The following AK5 variants were observed in gnomAD, a reference collection of about 807,000 sequenced individuals.
AK5 encodes adenylate kinase 5, also known as adenylate kinase isoenzyme 5.
AK5 carries 27 observed loss-of-function variants against 69.5 expected under a neutral mutation model. The observed-to-expected ratio is 0.39, with a 90% CI of 0.29 to 0.54. The LOEUF (loss-of-function observed/expected upper bound fraction) is 0.54. Ranked by LOEUF, AK5 falls within the 20% of genes least tolerant of loss-of-function variation. The pLI is 0.71. For synonymous variants in AK5, 260 were observed against 244.4 expected (o/e 1.06, Z -0.60); for missense variants, 531 against 700.4 (o/e 0.76, Z 2.73).
chr1:77,286,626 C>T (rs1055279554), intron 1 of AK5, among the ~76,000 whole-genome samples: 4 of 151,812 alleles, frequency 2.6e-5, no homozygotes, highest in Non-Finnish European at 4.4e-5. Flanking sequence ...GTAGGTGGAT[C>T]GCTTGAGTTA....
chr1:77,444,324 A>AC (rs1557598319), intron 8 of AK5, among the ~76,000 whole-genome samples: 638 of 53,576 alleles, frequency 0.012, 73 homozygotes, highest in Middle Eastern at 0.037. Context: ...ATATATGTGT[A>AC]TATATATAGT....
intron 6 of AK5, among the ~76,000 whole-genome samples, chr1:77,409,123 A>G (rs768682904): frequency 3.3e-5 from 5 of 152,202 alleles, no homozygotes; most frequent in Non-Finnish European, 7.3e-5. Flanking sequence ...ATAGTATTCC[A>G]TGGTATATAT....
chr1:77,415,070 A>C (rs1650323245), intron 7 of AK5, among the ~76,000 whole-genome samples: 1 of 152,170 alleles, frequency 6.6e-6, no homozygotes, highest in Admixed American at 6.6e-5. Context: ...TCCTGTTGAA[A>C]GCATCTTATT....
chr1:77,426,911 G>A (rs1390786273), intron 8 of AK5, among the ~76,000 whole-genome samples: 1 of 152,044 alleles, frequency 6.6e-6, no homozygotes, highest in Non-Finnish European at 1.5e-5. Flanking sequence ...AACCTCAAGA[G>A]AAATGTTAAA....
intron 6 of AK5, among the ~76,000 whole-genome samples, chr1:77,354,292 A>G (rs1451753273): frequency 2.0e-5 from 3 of 152,176 alleles, no homozygotes; most frequent in Admixed American, 6.5e-5. Context: ...TCATTCATCA[A>G]TTTCTTTTTA....
intron 5 of AK5, among the ~76,000 whole-genome samples, chr1:77,317,460 T>A (rs1302260966): frequency 1.3e-5 from 2 of 152,088 alleles, no homozygotes; most frequent in Non-Finnish European, 2.9e-5. Flanking sequence ...AAAAAACACT[T>A]GTTGACATGT....
At chr1:77,477,115 C>T (rs1425087117) in intron 8 of AK5, among the ~76,000 whole-genome samples, 2 of 151,908 alleles carry the variant, frequency 1.3e-5, no homozygotes, top group Non-Finnish European at 1.5e-5. Flanking sequence ...GCAGCCTCAA[C>T]CTCCTAGGCC....
chr1:77,493,779 A>G lies in AK5; in HGVS notation c.1147+7427A>G, dbSNP rs537849512. On this transcript the variant is annotated intron_variant, in intron 10 of 13. Transcript: ENST00000354567. Reference sequence around the variant, plus strand: ...GATGGTAGAGTAAAGAAAAAGAGACATTGGACTACTTTCCAAGAGACCCTC... The same window carrying G: ...GATGGTAGAGTAAAGAAAAAGAGACGTTGGACTACTTTCCAAGAGACCCTC... 2.8e-4 allele frequency among the ~76,000 whole-genome samples: 42 copies of G among 152,352 alleles called. No individual in the cohort carries two copies. The Middle Eastern group carries it at 0.01, about 37-fold the overall frequency.
intron 8 of AK5, among the ~76,000 whole-genome samples, chr1:77,482,736 G>T (rs944752594): frequency 6.7e-6 from 1 of 149,670 alleles, no homozygotes; most frequent in Non-Finnish European, 1.5e-5. Context: ...GCACCACTGC[G>T]CTCCAGCCTG....
chr1:77,518,741 C>G lies in AK5; in HGVS notation c.1311+14C>G, dbSNP rs757945522. ...CTGGTGCCCTCAGTAAGCAACATGG[C>G]CTGACCCACATTACTGCCTTTCCTG... On this transcript the variant is annotated intron_variant, in intron 11 of 13. Coordinates refer to ENST00000354567, the MANE Select transcript of AK5 (RefSeq NM_174858.3). 41 of 1,612,484 alleles carry G rather than the reference C, an allele frequency of 2.5e-5. No homozygotes were observed. The highest frequency in any genetic ancestry group is 3.4e-5 in the Non-Finnish European group (40 of 1,179,062).
chr1:77,534,920 G>C (rs1212160158), intron 12 of AK5, among the ~76,000 whole-genome samples: 1 of 152,198 alleles, frequency 6.6e-6, no homozygotes, highest in Non-Finnish European at 1.5e-5. Context: ...TCAGCGGGCT[G>C]GTTCTCACTT....
intron 6 of AK5, among the ~76,000 whole-genome samples, chr1:77,374,359 T>C (rs1024752905): frequency 8.5e-5 from 13 of 152,058 alleles, no homozygotes; most frequent in African/African-American, 3.1e-4. Flanking sequence ...TAGAATTTCC[T>C]TCAGATTGAA....
chr1:77,500,499 C>A, intron 10 of AK5, among the ~76,000 whole-genome samples: 1 of 152,124 alleles, frequency 6.6e-6, no homozygotes, highest in Middle Eastern at 3.2e-3. Flanking sequence ...CAAAAGAAGG[C>A]AAGGCACGGT....
At chr1:77,515,312 CTATTAG>C (rs1199572495) in intron 10 of AK5, among the ~76,000 whole-genome samples, 1 of 152,112 alleles carries the variant, frequency 6.6e-6, no homozygotes, top group African/African-American at 2.4e-5. Context: ...AGGGGCCCTT[CTATTAG>C]AAAGGGTCAA....
At chr1:77,413,007 C>T (rs954283185) in intron 7 of AK5, among the ~76,000 whole-genome samples, 4 of 151,554 alleles carry the variant, frequency 2.6e-5, no homozygotes, top group African/African-American at 9.7e-5. Context: ...CCATGGAGAT[C>T]TTCACAGAAT....
At chr1:77,527,422 C>G (rs925083131) in intron 12 of AK5, among the ~76,000 whole-genome samples, 2 of 152,134 alleles carry the variant, frequency 1.3e-5, no homozygotes, top group Non-Finnish European at 2.9e-5. Context: ...CTGTGGTCCC[C>G]GTTCAGACCG....
chr1:77,447,465 A>G (rs904821646), intron 8 of AK5, among the ~76,000 whole-genome samples: 18 of 152,224 alleles, frequency 1.2e-4, no homozygotes, highest in African/African-American at 4.3e-4. Flanking sequence ...AGGAAATGAA[A>G]ACTCATAGAA....
chr1:77,479,449 G>A (rs146752740), intron 8 of AK5, among the ~76,000 whole-genome samples: 1,567 of 152,070 alleles, frequency 0.01, 35 homozygotes, highest in East Asian at 0.079. Flanking sequence ...CAGGTGATCC[G>A]TCTGCCTTGG....
intron 13 of AK5, among the ~76,000 whole-genome samples, chr1:77,553,711 A>G (rs139046235): frequency 2.6e-5 from 4 of 152,344 alleles, no homozygotes; most frequent in Admixed American, 6.5e-5. Context: ...GATCATGGAC[A>G]GTGTAAATAA....
Sources: allele counts gnomAD v4.1 joint callset (sites outside exome capture counted in the v4.1 genomes callset), GRCh38; gene constraint gnomAD v4.1.1; transcripts MANE v1.5; gene names NCBI Gene and HGNC (gene_info 2026-07-23, HGNC 2026-07-21).